Variants in STX18 observed in about 807,000 individuals in gnomAD.
STX18 encodes syntaxin-18.
A neutral mutation model predicts 50.1 loss-of-function variants in STX18; 40 were observed. That is an observed-to-expected ratio of 0.80 (90% confidence interval 0.62 to 1.04). The LOEUF (loss-of-function observed/expected upper bound fraction) is 1.04. STX18 is among the 50% of genes least tolerant of loss of function. The probability of loss-of-function intolerance (pLI) is 0.00; values close to 1 mark genes in which losing one functional copy is unlikely to be tolerated. For missense variants in STX18, 410 were observed against 415.8 expected (o/e 0.99, Z 0.12); for synonymous variants, 158 against 151.8 (o/e 1.04, Z -0.30).
intron 1 of STX18, among the ~76,000 whole-genome samples, chr4:4,527,163 C>G (rs1267612109): frequency 1.3e-5 from 2 of 152,194 alleles, no homozygotes; most frequent in African/African-American, 4.8e-5. Context: ...TAGAGCTAGC[C>G]TGTAACTCCA....
intron 2 of STX18, among the ~76,000 whole-genome samples, chr4:4,459,742 G>C (rs752829957): frequency 2.6e-5 from 4 of 152,210 alleles, no homozygotes; most frequent in Non-Finnish European, 4.4e-5. Flanking sequence ...GAGGGAGAGG[G>C]AGAAGGAGCG....
At chr4:4,479,693 A>T (rs1210654239) in intron 1 of STX18, among the ~76,000 whole-genome samples, 1 of 152,268 alleles carries the variant, frequency 6.6e-6, no homozygotes, top group Non-Finnish European at 1.5e-5. Context: ...TTCCTAGATC[A>T]TCAAGACATT....
At chr4:4,498,477 A>G (rs1729290033) in intron 1 of STX18, among the ~76,000 whole-genome samples, 1 of 152,166 alleles carries the variant, frequency 6.6e-6, no homozygotes, top group African/African-American at 2.4e-5. Context: ...CCTCAGCCCA[A>G]TGACTGGCAC....
intron 1 of STX18, among the ~76,000 whole-genome samples, chr4:4,510,582 G>T (rs1401364303): frequency 2.6e-5 from 4 of 152,198 alleles, no homozygotes; most frequent in African/African-American, 7.2e-5. Context: ...AACCATTGTG[G>T]AATACAGTGT....
At chr4:4,428,815 G>C (rs1176232690) in intron 7 of STX18, among the ~76,000 whole-genome samples, 1 of 152,130 alleles carries the variant, frequency 6.6e-6, no homozygotes, top group Non-Finnish European at 1.5e-5. Flanking sequence ...ACGACAGATG[G>C]GTATCTAGAT....
intron 5 of STX18, among the ~76,000 whole-genome samples, chr4:4,449,028 C>T (rs1339262219): frequency 6.6e-6 from 1 of 151,260 alleles, no homozygotes; most frequent in Non-Finnish European, 1.5e-5. Context: ...TCCATTTCTC[C>T]CTTGGACCCC....
chr4:4,438,629 T>G, intron 5 of STX18, 120 bp from the exon 6 acceptor site: 1 of 741,716 alleles, frequency 1.3e-6, no homozygotes, highest in South Asian at 1.8e-5. Flanking sequence ...TGGGGAGCAG[T>G]CACTGCCTCT....
intron 5 of STX18, among the ~76,000 whole-genome samples, chr4:4,450,922 C>T (rs186689989): frequency 2.0e-5 from 3 of 152,276 alleles, no homozygotes; most frequent in South Asian, 4.1e-4. Flanking sequence ...TACAAGTTTC[C>T]AATTTAAAAG....
At chr4:4,496,474 T>G (rs537139407) in intron 1 of STX18, among the ~76,000 whole-genome samples, 1 of 152,262 alleles carries the variant, frequency 6.6e-6, no homozygotes, top group East Asian at 1.9e-4. Context: ...GCTCACCCCA[T>G]CAGCCTCGCT....
intron 3 of STX18, 32 bp from the exon 4 acceptor site, chr4:4,457,532 C>T (rs758565155): frequency 9.8e-6 from 15 of 1,538,018 alleles, no homozygotes; most frequent in East Asian, 9.0e-5. Context: ...TTCAGGCCTT[C>T]GCACTCAATT....
In STX18 at chr4:4,504,020, A is replaced by C. The variant is rs73796034; in HGVS notation, c.169-32314T>G. 7.7e-3 allele frequency among the ~76,000 whole-genome samples: 1,180 copies of C among 152,338 alleles called. 12 individuals are homozygous for C. Among genetic ancestry groups the C allele is most frequent in the African/African-American group, 0.027 (1,123 of 41,580 alleles). On this transcript the variant is annotated intron_variant, in intron 1 of 10. Coordinates refer to ENST00000306200, the MANE Select transcript of STX18 (RefSeq NM_016930.4). ...CAAAATTCTTTTAGGGGATACATGA[A>C]TAAAAATGTGTAAAGGTCACTGACT...
In STX18 at chr4:4,434,754, C is replaced by A. The variant is rs1196006408; in HGVS notation, c.702+16G>T. ...AACCAGTTAAAAATAAATAATTAGG[C>A]AGAGAATAGCATTACCATTTGTATT... On this transcript the variant is annotated intron_variant, in intron 7 of 10. Coordinates refer to ENST00000306200, the MANE Select transcript of STX18 (RefSeq NM_016930.4). 6.3e-7 allele frequency: 1 copy of A among 1,587,274 alleles called. No homozygotes were observed. The highest frequency in any genetic ancestry group is 8.6e-7 in the Non-Finnish European group (1 of 1,167,506).
At chr4:4,455,189 C>T (rs1727000462) in intron 5 of STX18, among the ~76,000 whole-genome samples, 1 of 152,220 alleles carries the variant, frequency 6.6e-6, no homozygotes, top group Admixed American at 6.5e-5. Flanking sequence ...TCTGAGCTTA[C>T]TACCGATTTC....
At chr4:4,464,247 T>G (rs1727513237) in intron 2 of STX18, among the ~76,000 whole-genome samples, 1 of 152,164 alleles carries the variant, frequency 6.6e-6, no homozygotes, top group Non-Finnish European at 1.5e-5. Context: ...CAAATGGAGC[T>G]AGGGGAAGAG....
intron 1 of STX18, among the ~76,000 whole-genome samples, chr4:4,484,148 C>T (rs1056955214): frequency 1.3e-5 from 2 of 152,100 alleles, no homozygotes; most frequent in African/African-American, 2.4e-5. Flanking sequence ...AGGTGTGAGC[C>T]ACCGTGCCCG....
At chr4:4,516,630 TAAGTA>T (rs1453673547) in intron 1 of STX18, among the ~76,000 whole-genome samples, 3 of 152,302 alleles carry the variant, frequency 2.0e-5, no homozygotes, top group East Asian at 3.9e-4. Flanking sequence ...ATTTAAGTTG[TAAGTA>T]AAGTAATCTT....
intron 5 of STX18, among the ~76,000 whole-genome samples, chr4:4,450,836 C>CA (rs1249113576): frequency 6.6e-6 from 1 of 152,228 alleles, no homozygotes; most frequent in Non-Finnish European, 1.5e-5. Flanking sequence ...TTCAGGAAGT[C>CA]AAAGGGCTTC....
Position 4,468,300 on chromosome 4 carries a change from G to A in STX18, c.236+3339C>T, listed in dbSNP as rs573195558. ...TTACACCATGCACATTTACCTAACT[G>A]TATGTATCTAATTATGTGCTTACCT... On this transcript the variant is annotated intron_variant, in intron 2 of 10. Transcript: ENST00000306200. Among the ~76,000 whole-genome samples the A allele has an allele frequency of 9.2e-5, 14 of 152,132 alleles. 1 individual carries two copies. The South Asian group carries it at 2.9e-3, about 32-fold the overall frequency.
At chr4:4,432,047 C>A (rs930730194) in intron 7 of STX18, among the ~76,000 whole-genome samples, 3 of 152,208 alleles carry the variant, frequency 2.0e-5, no homozygotes, top group African/African-American at 7.2e-5. Flanking sequence ...AAGGCAAGGA[C>A]CTTGCAGGGC....
Sources: gnomAD v4.1 joint callset for allele counts (sites outside exome capture counted in the v4.1 genomes callset) on GRCh38, gnomAD v4.1.1 for gene constraint, MANE v1.5 for transcripts, NCBI Gene and HGNC (gene_info 2026-07-23, HGNC 2026-07-21) for gene names.